The following CREB5 variants were observed in gnomAD, a reference collection of about 807,000 sequenced individuals.
CREB5 encodes the protein cyclic AMP-responsive element-binding protein 5.
A neutral mutation model predicts 57.1 loss-of-function variants in CREB5; 19 were observed. That is an observed-to-expected ratio of 0.33 (90% CI 0.23 to 0.49). The LOEUF is 0.49. Ranked by LOEUF, CREB5 falls within the 20% of genes least tolerant of loss-of-function variation. The pLI is 0.99. For missense variants in CREB5, 579 were observed against 671.6 expected, an observed-to-expected ratio of 0.86 and a Z score of 1.52; for synonymous variants, 238 against 238.3, an observed-to-expected ratio of 1.00 and a Z score of 0.01.
At chr7:28,584,684 C>G (rs1334029669) in intron 5 of CREB5, among the ~76,000 whole-genome samples, 1 of 151,934 alleles carries the variant, frequency 6.6e-6, no homozygotes, top group East Asian at 1.9e-4. Flanking sequence ...TTTAAACCAC[C>G]CAGTTTGTGG....
chr7:28,597,560 C>T (rs1175464521), intron 5 of CREB5, among the ~76,000 whole-genome samples: 1 of 152,170 alleles, frequency 6.6e-6, no homozygotes, highest in Non-Finnish European at 1.5e-5. Context: ...ATATTTCATG[C>T]AAATAATCCT....
chr7:28,542,911 C>T (rs140929294), intron 4 of CREB5, among the ~76,000 whole-genome samples: 216 of 152,294 alleles, frequency 1.4e-3, no homozygotes, highest in Non-Finnish European at 1.8e-3. Context: ...TCCCGTTCCA[C>T]AGTGGTCTCC....
chr7:28,423,418 C>T (rs1345823562), intron 1 of CREB5, among the ~76,000 whole-genome samples: 1 of 152,122 alleles, frequency 6.6e-6, no homozygotes, highest in African/African-American at 2.4e-5. Context: ...TGAGGGGGTG[C>T]AAGCCTGGAG....
At chr7:28,692,005 C>CAAAA (rs1801290594) in intron 5 of CREB5, among the ~76,000 whole-genome samples, 1 of 114,034 alleles carries the variant, frequency 8.8e-6, no homozygotes. Context: ...CCCCTCTCTA[C>CAAAA]TAAAATACAA....
At chr7:28,693,428 G>A (rs1033555055) in intron 5 of CREB5, among the ~76,000 whole-genome samples, 3 of 152,170 alleles carry the variant, frequency 2.0e-5, no homozygotes, top group Admixed American at 6.5e-5. Context: ...TGCTGACACG[G>A]CAGACAGTCC....
intron 1 of CREB5, among the ~76,000 whole-genome samples, chr7:28,479,002 A>G (rs1173530454): frequency 6.6e-6 from 1 of 152,208 alleles, no homozygotes; most frequent in Non-Finnish European, 1.5e-5. Flanking sequence ...GCCTTGTCAT[A>G]AGCTTAACTT....
chr7:28,508,461 C>G (rs1216588292), intron 4 of CREB5, among the ~76,000 whole-genome samples: 3 of 152,160 alleles, frequency 2.0e-5, no homozygotes, highest in African/African-American at 4.8e-5. Flanking sequence ...TAGATACAGT[C>G]TGTGAACAGA....
chr7:28,742,351 G>A (rs1190332147), intron 7 of CREB5, among the ~76,000 whole-genome samples: 16 of 152,060 alleles, frequency 1.1e-4, no homozygotes, highest in Non-Finnish European at 2.2e-4. Flanking sequence ...CAGATCATGA[G>A]GTCAGGAGAT....
intron 1 of CREB5, among the ~76,000 whole-genome samples, chr7:28,395,392 T>G (rs908115732): frequency 1.3e-5 from 2 of 152,220 alleles, no homozygotes; most frequent in Admixed American, 1.3e-4. Flanking sequence ...AAGATGAATA[T>G]TTGTTAGGAA....
intron 1 of CREB5, among the ~76,000 whole-genome samples, chr7:28,330,415 TTTTTTTG>T (rs1225601491): frequency 6.7e-6 from 1 of 149,842 alleles, no homozygotes; most frequent in East Asian, 1.9e-4. Context: ...TTTTTTTTTT[TTTTTTTG>T]CATATTTAGT....
At chr7:28,742,542 G>A (rs1489283794) in intron 7 of CREB5, among the ~76,000 whole-genome samples, 2 of 151,496 alleles carry the variant, frequency 1.3e-5, no homozygotes, top group South Asian at 2.1e-4. Context: ...CTCCAGCCTG[G>A]GCCACAGAGC....
At chr7:28,533,332 T>C (rs1793811836) in intron 4 of CREB5, among the ~76,000 whole-genome samples, 1 of 152,180 alleles carries the variant, frequency 6.6e-6, no homozygotes, top group Non-Finnish European at 1.5e-5. Context: ...TCATAAACTT[T>C]AGGGAAAAAA....
intron 1 of CREB5, among the ~76,000 whole-genome samples, chr7:28,341,913 G>A (rs1394568298): frequency 2.0e-5 from 3 of 152,236 alleles, no homozygotes; most frequent in Non-Finnish European, 4.4e-5. Context: ...TGTGCAGAAA[G>A]TGAGGTTTTG....
intron 4 of CREB5, among the ~76,000 whole-genome samples, chr7:28,561,025 C>CAT (rs1795247985): frequency 2.0e-5 from 1 of 49,688 alleles, no homozygotes; most frequent in Non-Finnish European, 3.6e-5. Context: ...TGCGTGTGTG[C>CAT]GTGTGTGTGT....
At chr7:28,680,480 G>A (rs985717131) in intron 5 of CREB5, among the ~76,000 whole-genome samples, 2 of 152,078 alleles carry the variant, frequency 1.3e-5, no homozygotes, top group Non-Finnish European at 1.5e-5. Context: ...CTCCTTGGCC[G>A]AGCACTATGG....
chr7:28,386,154 C>T (rs1787098582), intron 1 of CREB5, among the ~76,000 whole-genome samples: 1 of 152,096 alleles, frequency 6.6e-6, no homozygotes, highest in Non-Finnish European at 1.5e-5. Flanking sequence ...TGTCTATTTT[C>T]CTTTCTGACA....
At chr7:28,560,829 C>CGTGTGCGTGCGT (rs1562797035) in intron 4 of CREB5, among the ~76,000 whole-genome samples, 1 of 65,180 alleles carries the variant, frequency 1.5e-5, no homozygotes, top group Admixed American at 1.5e-4. Flanking sequence ...TGTGCGCGCG[C>CGTGTGCGTGCGT]GCGCGTGTGT....
intron 5 of CREB5, among the ~76,000 whole-genome samples, chr7:28,575,461 C>A (rs1795869433): frequency 1.3e-5 from 2 of 152,162 alleles, no homozygotes; most frequent in Non-Finnish European, 2.9e-5. Context: ...AATGCATATG[C>A]GTATGAATCT....
At chr7:28,404,200 G>A (rs549805595) in intron 1 of CREB5, among the ~76,000 whole-genome samples, 8 of 152,174 alleles carry the variant, frequency 5.3e-5, no homozygotes, top group East Asian at 1.9e-4. Context: ...ACTATGGGCC[G>A]CCCTATCTTT....
Sources: allele counts gnomAD v4.1 joint callset (sites outside exome capture counted in the v4.1 genomes callset), GRCh38; gene constraint gnomAD v4.1.1; transcripts MANE v1.5; gene names NCBI Gene and HGNC (gene_info 2026-07-23, HGNC 2026-07-21).